The following FNDC1 variants were observed in gnomAD, a reference collection of about 807,000 sequenced individuals.
The protein encoded by FNDC1 is fibronectin type III domain containing 1, also known as fibronectin type III domain-containing protein 1.
Under a neutral mutation model 168.0 loss-of-function variants are expected in FNDC1, and 96 were observed. The observed-to-expected ratio is 0.57, with a 90% CI of 0.48 to 0.68. The LOEUF (loss-of-function observed/expected upper bound fraction) is 0.68, where lower values mean the gene tolerates loss of function less well. FNDC1 is among the 30% of genes least tolerant of loss of function. The pLI, the probability that FNDC1 is intolerant of heterozygous loss-of-function variation, is 0.00. For missense variants in FNDC1, 2,587 were observed against 2,482.1 expected (o/e 1.04, Z -0.90); for synonymous variants, 1,099 against 1,025.9 (o/e 1.07, Z -1.36).
chr6:159,253,079 C>A (rs1002107939), intron 17 of FNDC1, among the ~76,000 whole-genome samples: 3 of 152,194 alleles, frequency 2.0e-5, no homozygotes, highest in Non-Finnish European at 2.9e-5. Flanking sequence ...TTCAAAGCTC[C>A]CTAGAGCCTT....
chr6:159,256,454 A>G (rs1777375092), intron 17 of FNDC1, 69 bp from the exon 18 acceptor site: 22 of 1,155,178 alleles, frequency 1.9e-5, no homozygotes, highest in Non-Finnish European at 2.8e-5. Flanking sequence ...ACCTGTCCTC[A>G]GTGGGTTACA....
intron 1 of FNDC1, among the ~76,000 whole-genome samples, chr6:159,195,494 G>T (rs1484122549): frequency 6.6e-6 from 1 of 152,044 alleles, no homozygotes; most frequent in Non-Finnish European, 1.5e-5. Flanking sequence ...TATGGTCATC[G>T]ATCATTGATA....
chr6:159,233,676 C>A lies in FNDC1; in HGVS notation c.3164C>A (p.Pro1055His), dbSNP rs1352263392. The A allele has an allele frequency of 6.5e-7, 1 of 1,549,972 alleles. No homozygotes were observed. The highest frequency in any genetic ancestry group is 1.9e-5 in the Admixed American group (1 of 51,382). The change falls in exon 11 of 23, where the codon CCT (proline) becomes CAT (histidine). Residue 1055 changes from proline to histidine, a missense_variant. Pro to His is a moderately conservative substitution (Grantham distance 77, BLOSUM62 -2). Coordinates refer to ENST00000297267, the MANE Select transcript of FNDC1 (RefSeq NM_032532.3). This position sits in a 1 kb window ranked among gnomAD's most constrained non-coding sequence, Gnocchi z 4.6. ...GGCCGCTCCCACTCCTCCTCGGACC[C>A]TTACACGGCGAGCTCCAGAGGGATG... is the stretch of plus-strand genomic sequence containing the variant. ...SQGRSHSSSD[P>H]YTASSRGMLP...
At chr6:159,228,825 A>G (rs1339086728) in intron 9 of FNDC1, among the ~76,000 whole-genome samples, 1 of 152,002 alleles carries the variant, frequency 6.6e-6, no homozygotes, top group Non-Finnish European at 1.5e-5. Flanking sequence ...ACAGGCACAC[A>G]CCACCATCAC....
At chr6:159,251,724 G>T (rs1268155419) in intron 17 of FNDC1, among the ~76,000 whole-genome samples, 192 bp downstream of exon 17, 1 of 152,188 alleles carries the variant, frequency 6.6e-6, no homozygotes, top group Non-Finnish European at 1.5e-5. Context: ...GCCTCATGGG[G>T]TAGGGTAAGG....
rs557485829 is a variant in FNDC1, at chr6:159,173,095, A to T, written c.109+3390A>T. Among the ~76,000 whole-genome samples, 6 of 152,372 alleles carry T rather than the reference A, an allele frequency of 3.9e-5. 1 individual carries two copies. In the South Asian group the frequency reaches 1.2e-3, roughly 32 times the overall value. On this transcript the variant is annotated intron_variant, in intron 1 of 22. Transcript: ENST00000297267. ...TTAATTCCCAGTAAAGTCAATAAGGATAGATAAAACTCACAGAAACATAAC... is the reference window on the plus strand; with the variant it reads ...TTAATTCCCAGTAAAGTCAATAAGGTTAGATAAAACTCACAGAAACATAAC...
At chr6:159,191,903 G>A (rs1341783078) in intron 1 of FNDC1, among the ~76,000 whole-genome samples, 2 of 151,976 alleles carry the variant, frequency 1.3e-5, no homozygotes, top group East Asian at 3.9e-4. Flanking sequence ...TCACTCTGTC[G>A]CCCAGGCTAG....
chr6:159,191,310 C>G (rs1782134243), intron 1 of FNDC1, among the ~76,000 whole-genome samples: 1 of 152,176 alleles, frequency 6.6e-6, no homozygotes, highest in Admixed American at 6.5e-5. Context: ...TGTCTAAGTA[C>G]AGTGGGACCA....
chr6:159,256,682 T>C, intron 18 of FNDC1, 51 bp downstream of exon 18: 1 of 1,355,216 alleles, frequency 7.4e-7, no homozygotes, highest in Non-Finnish European at 1.0e-6. Flanking sequence ...GCATGGTTGC[T>C]GATTTGCTTT....
chr6:159,265,956 AAAC>A, intron 20 of FNDC1, 125 bp from the exon 21 acceptor site: 1 of 971,596 alleles, frequency 1.0e-6, no homozygotes. Flanking sequence ...CAACACAAAC[AAAC>A]AAACAAACAA....
chr6:159,258,021 A>G (rs533760765), intron 18 of FNDC1, among the ~76,000 whole-genome samples: 1 of 151,986 alleles, frequency 6.6e-6, no homozygotes, highest in Admixed American at 6.6e-5. Flanking sequence ...TTACAACAGA[A>G]TCTGAATCAC....
intron 12 of FNDC1, among the ~76,000 whole-genome samples, chr6:159,237,473 T>A (rs1393904912): frequency 6.6e-6 from 1 of 152,220 alleles, no homozygotes. Context: ...TGTTCCTTAA[T>A]AGAGATAATT....
In FNDC1 at chr6:159,197,641, A is replaced by C; in HGVS notation, c.304+16A>C. 1 of 1,596,850 alleles carries C rather than the reference A, an allele frequency of 6.3e-7. No individual in the cohort carries two copies. Among genetic ancestry groups the C allele is most frequent in the African/African-American group, 1.3e-5 (1 of 74,604 alleles). ...GAGGATGTGGGTAAGTGACACTCTG[A>C]TCTTGTTCCCAGTCAGAATTAACTG... On this transcript the variant is annotated intron_variant, in intron 2 of 22. Transcript: ENST00000297267.
chr6:159,223,932 C>G (rs1385597087), intron 7 of FNDC1, among the ~76,000 whole-genome samples: 1 of 152,168 alleles, frequency 6.6e-6, no homozygotes, highest in Non-Finnish European at 1.5e-5. Context: ...TTCCTAGATT[C>G]CATTTCTTTC....
At chr6:159,254,107 TTG>T (rs1439017056) in intron 17 of FNDC1, among the ~76,000 whole-genome samples, 2 of 152,352 alleles carry the variant, frequency 1.3e-5, no homozygotes, top group East Asian at 3.9e-4. Flanking sequence ...CATTTGTTAG[TTG>T]TGTGACACTA....
At chr6:159,209,455 G>A (rs754528512) in intron 4 of FNDC1, among the ~76,000 whole-genome samples, 7 of 152,198 alleles carry the variant, frequency 4.6e-5, no homozygotes, top group Non-Finnish European at 8.8e-5. Flanking sequence ...AGGGTACCCC[G>A]CTTGGGGGCA....
chr6:159,247,897 T>A (rs1777170998), intron 15 of FNDC1, among the ~76,000 whole-genome samples: 1 of 152,188 alleles, frequency 6.6e-6, no homozygotes, highest in Non-Finnish European at 1.5e-5. Context: ...GTTGAAGAAG[T>A]TCTTAAAGGA....
At chr6:159,237,505 A>C (rs1183765973) in intron 12 of FNDC1, among the ~76,000 whole-genome samples, 1 of 152,240 alleles carries the variant, frequency 6.6e-6, no homozygotes, top group Non-Finnish European at 1.5e-5. Context: ...CAAGTTTTAC[A>C]GTTCCTTAGA....
rs915515782 is a variant in FNDC1, at chr6:159,193,553, T to A, written c.110-3878T>A. On this transcript the variant is annotated intron_variant, in intron 1 of 22. Transcript: ENST00000297267. Reference sequence around the variant, plus strand: ...CCCATCTACTATGATGAACAGACCCTGCAGATATTGGTCAGGTTGGCCCAG... The same window carrying A: ...CCCATCTACTATGATGAACAGACCCAGCAGATATTGGTCAGGTTGGCCCAG... Among the ~76,000 whole-genome samples the A allele has an allele frequency of 1.4e-3, 210 of 152,164 alleles. 1 individual carries two copies. Among genetic ancestry groups the A allele is most frequent in the Non-Finnish European group, 2.6e-4 (18 of 68,022 alleles).
Sources: allele counts gnomAD v4.1 joint callset (sites outside exome capture counted in the v4.1 genomes callset), GRCh38; gene constraint gnomAD v4.1.1; non-coding constraint Gnocchi (gnomAD v3.1); transcripts MANE v1.5; gene names NCBI Gene and HGNC (gene_info 2026-07-23, HGNC 2026-07-21).